Variants in CCDC138 observed in about 807,000 individuals in gnomAD.
The protein encoded by CCDC138 is coiled-coil domain-containing protein 138.
A neutral mutation model predicts 82.3 loss-of-function variants in CCDC138; 66 were observed. The observed-to-expected ratio is 0.80, with a 90% CI of 0.66 to 0.98. CCDC138 has a LOEUF of 0.98. Ranked by LOEUF, CCDC138 falls within the 50% of genes least tolerant of loss-of-function variation. CCDC138 has a pLI of 0.00. For synonymous variants in CCDC138, 297 were observed against 265.4 expected, an observed-to-expected ratio of 1.12 and a Z score of -1.16; for missense variants, 816 against 758.9, an observed-to-expected ratio of 1.08 and a Z score of -0.88.
intron 13 of CCDC138, among the ~76,000 whole-genome samples, chr2:108,861,994 TTA>T (rs1489955450): frequency 6.6e-6 from 1 of 152,082 alleles, no homozygotes; most frequent in Non-Finnish European, 1.5e-5. Flanking sequence ...TTTCATGTGT[TTA>T]TATGTTTTTG....
chr2:108,846,535 A>T (rs1690510009), intron 11 of CCDC138, among the ~76,000 whole-genome samples: 2 of 147,988 alleles, frequency 1.4e-5, no homozygotes, highest in South Asian at 4.2e-4. Context: ...AAAAAACCTG[A>T]GTGTGGTAGT....
intron 10 of CCDC138, among the ~76,000 whole-genome samples, chr2:108,823,024 A>G (rs745904779): frequency 6.6e-6 from 1 of 152,244 alleles, no homozygotes; most frequent in Non-Finnish European, 1.5e-5. Flanking sequence ...CAACAATTGC[A>G]TGCCAACAGA....
chr2:108,879,713 G>T (rs997763294), downstream of CCDC138, among the ~76,000 whole-genome samples: 10 of 152,020 alleles, frequency 6.6e-5, no homozygotes, highest in Non-Finnish European at 1.3e-4. Flanking sequence ...AAAAGAAATG[G>T]GGTTAGGGAG....
rs1028321952 is a variant in CCDC138 at position 108,823,746 on chromosome 2, C to T, written c.1206+7641C>T. Among the ~76,000 whole-genome samples the T allele has an allele frequency of 3.3e-5, 5 of 152,106 alleles. 1 individual carries two copies. In the South Asian group the frequency reaches 6.2e-4, roughly 19 times the overall value. On this transcript the variant is annotated intron_variant, in intron 10 of 14. Coordinates refer to ENST00000295124, the MANE Select transcript of CCDC138 (RefSeq NM_144978.3). ...CTGTAATCCCAGCACTTTGGGAGGC[C>T]AAGGCAGGCGATTACCTGAGGTCAG...
chr2:108,857,002 A>G lies in CCDC138; in HGVS notation c.1693+32A>G. On this transcript the variant is annotated intron_variant, in intron 13 of 14. Coordinates refer to ENST00000295124, the MANE Select transcript of CCDC138 (RefSeq NM_144978.3). ...TTTTAAGTTCTATATGTGTAAAGAA[A>G]GCAGGATGATTTTTCTGTCTTTATC... 3 of 1,312,030 alleles carry G rather than the reference A, an allele frequency of 2.3e-6. No individual in the cohort carries two copies. The South Asian group carries it at 4.0e-5, about 18-fold the overall frequency. The allele number at this position is 1,312,030 out of a possible 1,614,324, so 81.3% of individuals were successfully genotyped here.
chr2:108,883,078 GTATTT>G (rs1202070401), intron 2 of CCDC138: 3 of 152,304 alleles, frequency 2.0e-5, no homozygotes, highest in Non-Finnish European at 2.9e-5. Flanking sequence ...ATTTTCCACT[GTATTT>G]CATTTCAACC....
At chr2:108,849,176 C>T (rs897877709) in intron 12 of CCDC138, among the ~76,000 whole-genome samples, 1 of 151,940 alleles carries the variant, frequency 6.6e-6, no homozygotes, top group African/African-American at 2.4e-5. Context: ...AAATGAATTA[C>T]ACAGAGAAAA....
intron 13 of CCDC138, among the ~76,000 whole-genome samples, chr2:108,860,514 T>C (rs1383454159): frequency 7.3e-6 from 1 of 136,242 alleles, no homozygotes; most frequent in East Asian, 2.1e-4. Context: ...GTTGTTGAGG[T>C]TTTTTTTTTT....
At chr2:108,811,575 T>C (rs1456553736) in intron 7 of CCDC138, among the ~76,000 whole-genome samples, 1 of 152,128 alleles carries the variant, frequency 6.6e-6, no homozygotes, top group Non-Finnish European at 1.5e-5. Context: ...TCATGGTTTG[T>C]TGGTTTTTTT....
intron 14 of CCDC138, among the ~76,000 whole-genome samples, chr2:108,874,971 A>G (rs967506541): frequency 2.0e-5 from 3 of 151,830 alleles, no homozygotes; most frequent in Middle Eastern, 3.2e-3. Context: ...ACCTTGGGCC[A>G]AAATGTTTTA....
chr2:108,792,843 TC>T (rs1490679523), intron 4 of CCDC138, among the ~76,000 whole-genome samples: 1 of 151,742 alleles, frequency 6.6e-6, no homozygotes. Context: ...GGCGGGTGGA[TC>T]ACGAGGTCAG....
At chr2:108,821,411 A>T (rs1685676904) in intron 10 of CCDC138, among the ~76,000 whole-genome samples, 1 of 152,198 alleles carries the variant, frequency 6.6e-6, no homozygotes, top group Admixed American at 6.5e-5. Flanking sequence ...GTGGAGCCAT[A>T]ATGATGCAGA....
chr2:108,798,586 G>C lies in CCDC138; in HGVS notation c.735G>C (p.Glu245Asp), dbSNP rs1262692494. 6 of 1,597,898 alleles carry C rather than the reference G, an allele frequency of 3.8e-6. No homozygotes were observed. The highest frequency in any genetic ancestry group is 5.1e-6 in the Non-Finnish European group (6 of 1,169,452). Residue 245 changes from glutamate to aspartate, a missense_variant and splice_region_variant, in exon 6 of 15, where the codon GAG (glutamate) becomes GAC (aspartate). Physicochemically the swap from Glu to Asp is conservative, Grantham distance 45. Transcript: ENST00000295124. Reference sequence around the variant, plus strand: ...TTACAAGATTTCAAATTATAAAAGAGGTAACTATATAGCCTTTGATTTTAG... The same window carrying C: ...TTACAAGATTTCAAATTATAAAAGACGTAACTATATAGCCTTTGATTTTAG... ...EVLTRFQIIK[E>D]QHDAEVEHLT...
chr2:108,862,195 T>TAA (rs562421956), intron 13 of CCDC138, among the ~76,000 whole-genome samples: 1 of 147,056 alleles, frequency 6.8e-6, no homozygotes. Flanking sequence ...CCATGCCACT[T>TAA]AAAAAAAAAA....
At chr2:108,843,087 C>CCA (rs1419278854) in intron 11 of CCDC138, among the ~76,000 whole-genome samples, 11 of 152,298 alleles carry the variant, frequency 7.2e-5, no homozygotes, top group Admixed American at 6.5e-4. Flanking sequence ...TCCAGATGTG[C>CCA]CACAGTTCCC....
In CCDC138 at chr2:108,876,204, A is replaced by G. The variant is rs765069600; in HGVS notation, c.1949A>G (p.Asn650Ser). The G allele has an allele frequency of 2.1e-5, 34 of 1,613,176 alleles. No individual in the cohort carries two copies. The highest frequency in any genetic ancestry group is 1.1e-4 in the African/African-American group (8 of 74,886). Reference protein sequence around the residue: ...LCINLNSTLFNLGLTKCNSLV... With the variant: ...LCINLNSTLFSLGLTKCNSLV... Reference sequence around the variant, plus strand: ...ATTAATCTAAATTCAACTCTGTTCAATCTGGGTTTAACAAAATGTAACTCC... The same window carrying G: ...ATTAATCTAAATTCAACTCTGTTCAGTCTGGGTTTAACAAAATGTAACTCC... The change falls in exon 15 of 15, where the codon AAT becomes AGT. Residue 650 changes from asparagine (N) to serine (S), a missense_variant. Coordinates refer to ENST00000295124, the MANE Select transcript of CCDC138 (RefSeq NM_144978.3).
intron 14 of CCDC138, among the ~76,000 whole-genome samples, chr2:108,874,671 T>C (rs1319616433): frequency 6.6e-6 from 1 of 152,156 alleles, no homozygotes; most frequent in African/African-American, 2.4e-5. Flanking sequence ...GAGATCCATA[T>C]GTTCTATTTG....
At chr2:108,826,728 C>G (rs947284880) in intron 10 of CCDC138, among the ~76,000 whole-genome samples, 4 of 152,208 alleles carry the variant, frequency 2.6e-5, no homozygotes, top group African/African-American at 7.2e-5. Context: ...TGTTCTGGGT[C>G]AATGGCATTT....
intron 4 of CCDC138, among the ~76,000 whole-genome samples, chr2:108,793,048 A>AGT (rs1270941985): frequency 2.1e-5 from 3 of 144,852 alleles, no homozygotes; most frequent in Non-Finnish European, 4.5e-5. Context: ...TGGGCGACAG[A>AGT]GAGACTCTGT....
Sources: allele counts gnomAD v4.1 joint callset (sites outside exome capture counted in the v4.1 genomes callset), GRCh38; gene constraint gnomAD v4.1.1; transcripts MANE v1.5; gene names NCBI Gene and HGNC (gene_info 2026-07-23, HGNC 2026-07-21).